PCM1: variants seen among roughly 807,000 people sequenced by gnomAD.
PCM1 encodes the protein pericentriolar material 1 protein.
PCM1 carries 157 observed loss-of-function variants against 241.9 expected under a neutral mutation model. The observed-to-expected ratio is 0.65, with a 90% confidence interval of 0.57 to 0.74. PCM1 has a LOEUF of 0.74. Among genes scored for constraint, PCM1 ranks in the 30% least tolerant of loss-of-function variants. The pLI is 0.00. For missense variants in PCM1, 3,478 were observed against 2,360.1 expected (o/e 1.47, Z -9.81); for synonymous variants, 1,085 against 784.9 (o/e 1.38, Z -6.39).
chr8:17,974,560 C>A (rs2077992042), intron 23 of PCM1, among the ~76,000 whole-genome samples: 1 of 152,150 alleles, frequency 6.6e-6, no homozygotes, highest in African/African-American at 2.4e-5. Flanking sequence ...CAGTATTGGT[C>A]TGTGGACTAC....
Position 17,962,148 on chromosome 8 carries a change from G to T in PCM1, c.2437G>T (p.Glu813Ter). 6.2e-7 allele frequency: 1 copy of T among 1,607,934 alleles called. No individual in the cohort carries two copies. Among genetic ancestry groups the T allele is most frequent in the Non-Finnish European group, 8.5e-7 (1 of 1,176,368 alleles). Reference protein sequence around the residue: ...TSTSKSVFEPEDSSIVDNELW... With the variant: ...TSTSKSVFEP ...TACAAGCAAATCTGTTTTTGAGCCT[G>T]AAGATTCTTCAATAGTAGATAATGA... The change falls in exon 16 of 39, where the codon GAA becomes TAA. Residue 813 changes from glutamate (E) to a stop codon, truncating the protein, a stop_gained. Transcript: ENST00000325083. LOFTEE classifies it high-confidence loss of function.
At chr8:18,026,117 T>C (rs1393887672) in intron 38 of PCM1, among the ~76,000 whole-genome samples, 1 of 109,512 alleles carries the variant, frequency 9.1e-6, no homozygotes, top group African/African-American at 3.6e-5. Context: ...TGAGCTGAGA[T>C]AGCGCCACTG....
At chr8:17,999,037 C>T (rs911873934) in intron 29 of PCM1, among the ~76,000 whole-genome samples, 1 of 152,152 alleles carries the variant, frequency 6.6e-6, no homozygotes, top group Non-Finnish European at 1.5e-5. Context: ...GGGACTCACC[C>T]TTCAGGGCAG....
At chr8:17,956,314 G>A (rs2068456718) in intron 10 of PCM1, among the ~76,000 whole-genome samples, 1 of 152,054 alleles carries the variant, frequency 6.6e-6, no homozygotes. Flanking sequence ...TTGACATCAG[G>A]TTTTCTGCTA....
chr8:17,992,612 T>A (rs969362397), intron 28 of PCM1, among the ~76,000 whole-genome samples: 4 of 143,768 alleles, frequency 2.8e-5, no homozygotes, highest in African/African-American at 7.9e-5. Context: ...TACTACTACT[T>A]TTTTTTTTTT....
chr8:17,946,075 C>G (rs888161239), intron 6 of PCM1, among the ~76,000 whole-genome samples: 6 of 152,022 alleles, frequency 3.9e-5, no homozygotes, highest in African/African-American at 1.4e-4. Flanking sequence ...TTTGTCTCTG[C>G]TTTGCTTTTC....
At chr8:17,974,849 A>C (rs1455686973) in intron 23 of PCM1, among the ~76,000 whole-genome samples, 7 of 145,446 alleles carry the variant, frequency 4.8e-5, no homozygotes, top group Non-Finnish European at 1.0e-4. Flanking sequence ...TGAGTGCCCC[A>C]CTTTAAGGCA....
At chr8:18,025,815 A>G (rs1332428771) in intron 38 of PCM1, among the ~76,000 whole-genome samples, 157 bp downstream of exon 38, 1 of 152,220 alleles carries the variant, frequency 6.6e-6, no homozygotes, top group Non-Finnish European at 1.5e-5. Flanking sequence ...TAGTTCAACT[A>G]TTTATAAAAC....
intron 13 of PCM1, among the ~76,000 whole-genome samples, 179 bp from the exon 14 acceptor site, chr8:17,959,835 A>G (rs2070806568): frequency 1.3e-5 from 2 of 152,200 alleles, no homozygotes. Flanking sequence ...CATGTATGCA[A>G]ATACAAACGT....
intron 29 of PCM1, among the ~76,000 whole-genome samples, chr8:17,997,866 A>G (rs979282021): frequency 6.0e-5 from 9 of 150,308 alleles, no homozygotes; most frequent in Non-Finnish European, 1.0e-4. Context: ...CTCTACTACA[A>G]CATACAAAAA....
chr8:17,923,012 G>A lies in PCM1; in HGVS notation c.-267G>A, dbSNP rs557554985. The A allele has an allele frequency of 9.9e-4, 151 of 152,868 alleles. 4 individuals carry two copies. The South Asian group carries it at 0.029, about 29-fold the overall frequency. 9.5% of individuals were successfully genotyped at this position (152,868 alleles called of 1,614,324 possible). A position where few individuals can be genotyped will look rare whatever the true frequency, so the allele number is the denominator to read the frequency against. ...CACAATGAGATCCTAAGATGGCGGT[G>A]GCTGCGGCGGTTGGCGCTGCGTAGC... On this transcript the variant is annotated 5_prime_UTR_variant, in exon 1 of 39. Coordinates refer to ENST00000325083, the MANE Select transcript of PCM1 (RefSeq NM_006197.4).
At chr8:17,996,438 C>G (rs767371654) in intron 29 of PCM1, among the ~76,000 whole-genome samples, 30 of 151,958 alleles carry the variant, frequency 2.0e-4, no homozygotes, top group African/African-American at 5.8e-4. Flanking sequence ...TCCGAGGTAT[C>G]GGTTGTAATG....
At chr8:18,004,783 T>C (rs1052673172) in intron 29 of PCM1, among the ~76,000 whole-genome samples, 3 of 152,186 alleles carry the variant, frequency 2.0e-5, no homozygotes, top group African/African-American at 7.2e-5. Flanking sequence ...TTGACTTCAC[T>C]TTCTTCTTTC....
intron 6 of PCM1, among the ~76,000 whole-genome samples, chr8:17,945,627 C>T (rs1240618906): frequency 6.6e-6 from 1 of 152,142 alleles, no homozygotes; most frequent in Non-Finnish European, 1.5e-5. Context: ...CACAGTTACT[C>T]ATGCTCATTC....
chr8:17,952,845 C>A (rs866240673), intron 8 of PCM1, 125 bp from the exon 9 acceptor site: 6 of 632,470 alleles, frequency 9.5e-6, no homozygotes, highest in Non-Finnish European at 1.6e-5. Context: ...TATATACTTA[C>A]CTACCAGCAC....
chr8:18,003,026 T>C (rs1048032596), intron 29 of PCM1, among the ~76,000 whole-genome samples: 7 of 152,216 alleles, frequency 4.6e-5, no homozygotes, highest in Non-Finnish European at 1.0e-4. Context: ...CTTGTTTTCT[T>C]GAACTCAACT....
rs1308701028 is a variant in PCM1 at position 17,966,440 on chromosome 8, C to T, written c.3188C>T (p.Thr1063Ile). Residue 1063 changes from threonine (T) to isoleucine (I), a missense_variant, in exon 20 of 39, where the codon ACT becomes ATT. Physicochemically the swap from Thr to Ile is moderately conservative, Grantham distance 89 (BLOSUM62 -1). Coordinates refer to ENST00000325083, the MANE Select transcript of PCM1 (RefSeq NM_006197.4). ...ATGCACCAGTTGAACCAGTGCTATACTCAGCTAACATGGCAACAGAATAAT... is the reference window on the plus strand; with the variant it reads ...ATGCACCAGTTGAACCAGTGCTATATTCAGCTAACATGGCAACAGAATAAT... ...FIMHQLNQCYTQLTWQQNNVQ... is the reference protein window; with the variant it reads ...FIMHQLNQCYIQLTWQQNNVQ... 5 of 1,613,600 alleles carry T rather than the reference C, an allele frequency of 3.1e-6. No individual in the cohort carries two copies. Among genetic ancestry groups the T allele is most frequent in the Non-Finnish European group, 4.2e-6 (5 of 1,179,696 alleles).
intron 29 of PCM1, among the ~76,000 whole-genome samples, chr8:17,995,380 C>G (rs111722593): frequency 6.6e-6 from 1 of 150,880 alleles, no homozygotes; most frequent in Non-Finnish European, 1.5e-5. Flanking sequence ...TCTGTTCTAT[C>G]GGTCTGTGTT....
intron 36 of PCM1, among the ~76,000 whole-genome samples, chr8:18,018,461 G>C (rs1386210292): frequency 6.6e-6 from 1 of 152,196 alleles, no homozygotes; most frequent in Non-Finnish European, 1.5e-5. Context: ...GGCAATCCAA[G>C]GGCTTTACCC....
Sources: allele counts gnomAD v4.1 joint callset (sites outside exome capture counted in the v4.1 genomes callset), GRCh38; gene constraint gnomAD v4.1.1; transcripts MANE v1.5; gene names NCBI Gene and HGNC (gene_info 2026-07-23, HGNC 2026-07-21).